Variants in CYTH1 observed in about 807,000 individuals in gnomAD.
CYTH1 encodes the protein cytohesin 1.
Under a neutral mutation model 61.8 loss-of-function variants are expected in CYTH1, and 18 were observed. The ratio of observed to expected loss-of-function variants is 0.29; its 90% CI spans 0.20 to 0.43. The LOEUF (loss-of-function observed/expected upper bound fraction) is 0.43. CYTH1 is among the 20% of genes least tolerant of loss of function. CYTH1 has a pLI of 1.00. For synonymous variants in CYTH1, 174 were observed against 184.3 expected, an observed-to-expected ratio of 0.94 and a Z score of 0.45; for missense variants, 336 against 510.5, an observed-to-expected ratio of 0.66 and a Z score of 3.29.
intron 2 of CYTH1, chr17:78,709,039 AT>A (rs1299464668): frequency 1.3e-5 from 2 of 152,328 alleles, no homozygotes; most frequent in Non-Finnish European, 2.9e-5. Flanking sequence ...TAATCCAACT[AT>A]TGGCTTCTAG....
At chr17:78,753,499 TAATAAATAAATAAATA>T (rs67579941) in intron 1 of CYTH1, among the ~76,000 whole-genome samples, 5 of 143,264 alleles carry the variant, frequency 3.5e-5, no homozygotes, top group Non-Finnish European at 7.5e-5. Flanking sequence ...TATCTCTACT[TAATAAATAAATAAATA>T]AATAAATAAA....
At position 78,676,089 on chromosome 17, in the gene CYTH1, G is replaced by C; in HGVS notation, c.*2C>G. 6.2e-7 allele frequency: 1 copy of C among 1,606,188 alleles called. No homozygotes were observed. The highest frequency in any genetic ancestry group is 8.5e-7 in the Non-Finnish European group (1 of 1,176,548). On this transcript the variant is annotated 3_prime_UTR_variant, in exon 14 of 14. Transcript: ENST00000446868. ...CGCAGACCAACGCCCTTGGCTGCAC[G>C]CTCAGTGTCGCTTCGTGGAGGAGAC...
intron 1 of CYTH1, among the ~76,000 whole-genome samples, chr17:78,754,809 A>AAT (rs2093394466): frequency 6.6e-6 from 1 of 152,200 alleles, no homozygotes; most frequent in Non-Finnish European, 1.5e-5. Flanking sequence ...ACTTATGTTA[A>AAT]ATAAAAGCTC....
chr17:78,735,509 C>T (rs1472729152), intron 1 of CYTH1, among the ~76,000 whole-genome samples: 1 of 152,210 alleles, frequency 6.6e-6, no homozygotes, highest in Non-Finnish European at 1.5e-5. Context: ...TGGCACGTCC[C>T]CTCACTACTG....
In CYTH1 at chr17:78,675,557, G is replaced by C. The variant is rs2092689176; in HGVS notation, c.*534C>G. 1.7e-5 allele frequency: 3 copies of C among 172,708 alleles called. No individual in the cohort carries two copies. Among genetic ancestry groups the C allele is most frequent in the South Asian group, 1.9e-4 (1 of 5,196 alleles). 10.7% of individuals were successfully genotyped at this position (172,708 alleles called of 1,614,324 possible). Reference sequence around the variant, plus strand: ...CTGATGCCCCTTGGCCGCAGCCCCAGGTGCTCTTCTCCAGGGAGAAGCTCC... The same window carrying C: ...CTGATGCCCCTTGGCCGCAGCCCCACGTGCTCTTCTCCAGGGAGAAGCTCC... On this transcript the variant is annotated 3_prime_UTR_variant, in exon 14 of 14. Coordinates refer to ENST00000446868, the MANE Select transcript of CYTH1 (RefSeq NM_004762.6).
At chr17:78,688,033 T>C (rs1319603695) in intron 11 of CYTH1, among the ~76,000 whole-genome samples, 1 of 152,306 alleles carries the variant, frequency 6.6e-6, no homozygotes, top group South Asian at 2.1e-4. Flanking sequence ...TTTAATGTGG[T>C]TGGTAATTTC....
intron 1 of CYTH1, among the ~76,000 whole-genome samples, chr17:78,746,459 G>A (rs536099727): frequency 5.7e-4 from 87 of 152,220 alleles, no homozygotes; most frequent in Middle Eastern, 6.8e-3. Flanking sequence ...AAGGAGACCC[G>A]AGCTCCAAGA....
At chr17:78,687,966 G>T (rs2144114742) in intron 11 of CYTH1, among the ~76,000 whole-genome samples, 1 of 152,328 alleles carries the variant, frequency 6.6e-6, no homozygotes, top group South Asian at 2.1e-4. Flanking sequence ...AGCCGTGTGT[G>T]CTCTGCGTCC....
chr17:78,757,137 A>T (rs2093404998), intron 1 of CYTH1, among the ~76,000 whole-genome samples: 1 of 151,890 alleles, frequency 6.6e-6, no homozygotes, highest in African/African-American at 2.4e-5. Context: ...TTTAGTAGAG[A>T]CAAGGTTTCA....
At chr17:78,764,673 A>G (rs531056153) in intron 1 of CYTH1, among the ~76,000 whole-genome samples, 2 of 152,086 alleles carry the variant, frequency 1.3e-5, no homozygotes, top group African/African-American at 4.8e-5. Flanking sequence ...TTTAACTGCA[A>G]CTCCCAAGTT....
chr17:78,767,111 C>G (rs981365221), intron 1 of CYTH1, among the ~76,000 whole-genome samples: 3 of 152,292 alleles, frequency 2.0e-5, no homozygotes, highest in African/African-American at 7.2e-5. Flanking sequence ...AGCAGTGACA[C>G]CTACTCTGGC....
At chr17:78,744,117 T>C (rs1163420465) in intron 1 of CYTH1, among the ~76,000 whole-genome samples, 1 of 152,162 alleles carries the variant, frequency 6.6e-6, no homozygotes, top group East Asian at 1.9e-4. Flanking sequence ...GGTTGGTATT[T>C]TTTAAAATAA....
At chr17:78,765,135 A>G (rs1212841155) in intron 1 of CYTH1, among the ~76,000 whole-genome samples, 1 of 152,080 alleles carries the variant, frequency 6.6e-6, no homozygotes, top group East Asian at 1.9e-4. Context: ...CACCGCAAGG[A>G]GTTTGCTGAG....
At chr17:78,756,982 TTTTTTC>T (rs1567877335) in intron 1 of CYTH1, among the ~76,000 whole-genome samples, 3 of 149,116 alleles carry the variant, frequency 2.0e-5, no homozygotes, top group African/African-American at 7.4e-5. Context: ...TTTTTTTCTT[TTTTTTC>T]TTTTTTTTTT....
At chr17:78,707,539 C>CAT (rs1463740854) in intron 3 of CYTH1, among the ~76,000 whole-genome samples, 1 of 152,168 alleles carries the variant, frequency 6.6e-6, no homozygotes, top group Admixed American at 6.5e-5. Context: ...GTATCAGCAG[C>CAT]ATTCATTAAG....
intron 11 of CYTH1, among the ~76,000 whole-genome samples, chr17:78,681,868 A>G (rs1234821742): frequency 6.6e-6 from 1 of 151,314 alleles, no homozygotes; most frequent in African/African-American, 2.4e-5. Flanking sequence ...AACCAGTTCT[A>G]TGAGTTCTCT....
rs142725912 is a variant in CYTH1 at position 78,776,984 on chromosome 17, G to A, written c.22+5218C>T. 1.0e-3 allele frequency among the ~76,000 whole-genome samples: 155 copies of A among 152,116 alleles called. 1 individual carries two copies. In the East Asian group the frequency reaches 0.024, roughly 24 times the overall value. On this transcript the variant is annotated intron_variant, in intron 1 of 13. Coordinates refer to ENST00000446868, the MANE Select transcript of CYTH1 (RefSeq NM_004762.6). ...CCAGTAAAAATACAAAATTAGCCAG[G>A]CGTGGTGACGCATGCCTGTAATCCC...
In CYTH1 at chr17:78,779,127, G is replaced by A. The variant is rs539438111; in HGVS notation, c.22+3075C>T. The stretch of plus-strand genomic sequence containing the variant: ...CTGTAGAAAGGGGAACAGGCCAGGC[G>A]GGGTGGTTCATGCCTGTAATCCCAG... On this transcript the variant is annotated intron_variant, in intron 1 of 13. Transcript: ENST00000446868. Among the ~76,000 whole-genome samples the A allele has an allele frequency of 3.6e-3, 544 of 152,254 alleles. 1 individual carries two copies. Among genetic ancestry groups the A allele is most frequent in the Non-Finnish European group, 5.2e-3 (357 of 68,010 alleles).
At chr17:78,710,316 G>A (rs1011868756) in intron 1 of CYTH1, among the ~76,000 whole-genome samples, 2 of 152,166 alleles carry the variant, frequency 1.3e-5, no homozygotes, top group Admixed American at 1.3e-4. Context: ...CTGGGACTAT[G>A]GGACTTTCTC....
Sources: allele counts gnomAD v4.1 joint callset (sites outside exome capture counted in the v4.1 genomes callset), GRCh38; gene constraint gnomAD v4.1.1; transcripts MANE v1.5; gene names NCBI Gene and HGNC (gene_info 2026-07-23, HGNC 2026-07-21).